The following DNAH17 variants were observed in gnomAD, a reference collection of about 807,000 sequenced individuals.
The protein encoded by DNAH17 is dynein axonemal heavy chain 17, also known as axonemal beta dynein heavy chain 17.
Under a neutral mutation model 485.6 loss-of-function variants are expected in DNAH17, and 376 were observed. The ratio of observed to expected loss-of-function variants is 0.77; its 90% CI spans 0.71 to 0.84. The LOEUF (loss-of-function observed/expected upper bound fraction) is 0.84, where lower values mean the gene tolerates loss of function less well. DNAH17 is among the 40% of genes least tolerant of loss of function. The pLI is 0.00. For synonymous variants in DNAH17, 3,031 were observed against 2,405.9 expected (o/e 1.26, Z -7.60); for missense variants, 6,370 against 5,839.3 (o/e 1.09, Z -2.96).
At position 78,537,490 on chromosome 17, in the gene DNAH17, G is replaced by A. The variant is rs768513717; in HGVS notation, c.2677-9C>T. On this transcript the variant is annotated splice_polypyrimidine_tract_variant and intron_variant, in intron 18 of 80. Transcript: ENST00000389840. ...AGGGGAGCGATACTCTCCTGAAAGAGGGGTGGGGTTGGCAGTGGTCAACAC... is the reference window on the plus strand; with the variant it reads ...AGGGGAGCGATACTCTCCTGAAAGAAGGGTGGGGTTGGCAGTGGTCAACAC... 29 of 1,612,630 alleles carry A rather than the reference G, an allele frequency of 1.8e-5. No homozygotes were observed. The East Asian group carries it at 6.2e-4, about 35-fold the overall frequency.
At chr17:78,514,019 C>A (rs1214045453) in intron 26 of DNAH17, among the ~76,000 whole-genome samples, 1 of 152,012 alleles carries the variant, frequency 6.6e-6, no homozygotes, top group South Asian at 2.1e-4. Flanking sequence ...CCAGTGCCTG[C>A]CAGTACTGTG....
At chr17:78,472,340 A>ATTAGGG (rs1568106482) in intron 54 of DNAH17, among the ~76,000 whole-genome samples, 1 of 107,950 alleles carries the variant, frequency 9.3e-6, no homozygotes. Context: ...GGGTGCGAGG[A>ATTAGGG]TTAGGGTTAG....
In DNAH17 at chr17:78,485,037, G is replaced by T; in HGVS notation, c.7484-4C>A. On this transcript the variant is annotated splice_region_variant and splice_polypyrimidine_tract_variant and intron_variant, in intron 47 of 80. Transcript: ENST00000389840. ...TCCAGCGGCTTCTCCAGCACCCCTA[G>T]AGAGGGCAGAGGGTCAGCTGCCCGC... The T allele has an allele frequency of 6.2e-7, 1 of 1,603,622 alleles. No homozygotes were observed. The highest frequency in any genetic ancestry group is 8.5e-7 in the Non-Finnish European group (1 of 1,174,888).
chr17:78,478,251 C>CATCACCATT, intron 51 of DNAH17, among the ~76,000 whole-genome samples: 1 of 114,142 alleles, frequency 8.8e-6, no homozygotes, highest in Non-Finnish European at 1.8e-5. Context: ...TCATCACCAC[C>CATCACCATT]ATCACCATTA....
chr17:78,426,482 T>C lies in DNAH17; in HGVS notation c.12890A>G (p.Tyr4297Cys). 2 of 1,610,788 alleles carry C rather than the reference T, an allele frequency of 1.2e-6. No individual in the cohort carries two copies. Among genetic ancestry groups the C allele is most frequent in the African/African-American group, 2.7e-5 (2 of 74,850 alleles). ...CCTGATGCGGAGCAGCAGGTCTGCG[T>C]ACCAGGCCGCCAGGCCCATCATGGA... ...YPSMMGLAAWYADLLLRIREL... is the reference protein window; with the variant it reads ...YPSMMGLAAWCADLLLRIREL... Residue 4297 changes from tyrosine to cysteine, a missense_variant, in exon 79 of 81, where the codon TAC (tyrosine) becomes TGC (cysteine). By Grantham distance (194) the Tyr-to-Cys change is radical (BLOSUM62 -2). Coordinates refer to ENST00000389840, the MANE Select transcript of DNAH17 (RefSeq NM_173628.4).
chr17:78,444,542 G>A (rs955661347), intron 71 of DNAH17, 62 bp downstream of exon 71: 30 of 1,459,968 alleles, frequency 2.1e-5, no homozygotes, highest in Non-Finnish European at 2.4e-5. Context: ...ACAGCCGCTC[G>A]GTCAAGCTTC....
intron 4 of DNAH17, 33 bp from the exon 5 acceptor site, chr17:78,571,411 G>C: frequency 6.4e-7 from 1 of 1,565,578 alleles, no homozygotes; most frequent in Non-Finnish European, 8.8e-7. Flanking sequence ...ACCTTTCATT[G>C]ACCTGGAAGA....
intron 24 of DNAH17, 21 bp downstream of exon 24, chr17:78,526,630 C>T: frequency 1.3e-6 from 2 of 1,577,072 alleles, no homozygotes; most frequent in Non-Finnish European, 1.7e-6. Flanking sequence ...ACCCCCTGAT[C>T]TCACCCTTGA....
At position 78,473,460 on chromosome 17, in the gene DNAH17, T is replaced by C. The variant is rs1381055622; in HGVS notation, c.8511+1818A>G. On this transcript the variant is annotated intron_variant, in intron 54 of 80. Coordinates refer to ENST00000389840, the MANE Select transcript of DNAH17 (RefSeq NM_173628.4). ...TCAGGAGGCTGAGGCAGGAGAATGG[T>C]GTGAACCCGGGAAGCGGAGCTTGCA... 2.8e-5 allele frequency among the ~76,000 whole-genome samples: 4 copies of C among 144,870 alleles called. 1 individual carries two copies. The highest frequency in any genetic ancestry group is 2.6e-5 in the African/African-American group (1 of 38,334).
intron 54 of DNAH17, chr17:78,472,753 T>C: frequency 2.2e-6 from 1 of 454,350 alleles, no homozygotes; most frequent in East Asian, 7.1e-5. Flanking sequence ...TGGTTTCCCC[T>C]CCCCCTCCGT....
At chr17:78,544,135 T>C in intron 16 of DNAH17, 138 bp from the exon 17 acceptor site, 2 of 1,261,532 alleles carry the variant, frequency 1.6e-6, no homozygotes, top group South Asian at 2.8e-5. Flanking sequence ...CCACGATCCA[T>C]GCCCATCAGG....
At chr17:78,528,941 G>A (rs988924676) in intron 22 of DNAH17, among the ~76,000 whole-genome samples, 9 of 134,408 alleles carry the variant, frequency 6.7e-5, no homozygotes, top group African/African-American at 2.3e-4. Context: ...GGACATAAAG[G>A]CATTTTGTAT....
At position 78,479,123 on chromosome 17, in the gene DNAH17, G is replaced by T. The variant is rs2089236369; in HGVS notation, c.7901-7C>A. On this transcript the variant is annotated splice_region_variant and splice_polypyrimidine_tract_variant and intron_variant, in intron 50 of 80. Transcript: ENST00000389840. Reference sequence around the variant, plus strand: ...GTGATTTTCTGATGCAAAGCTGTTAGAGGAAAAGGACGTGTCAATTCTCAT... The same window carrying T: ...GTGATTTTCTGATGCAAAGCTGTTATAGGAAAAGGACGTGTCAATTCTCAT... The T allele has an allele frequency of 6.2e-7, 1 of 1,613,504 alleles. No homozygotes were observed. The highest frequency in any genetic ancestry group is 1.3e-5 in the African/African-American group (1 of 74,926).
At chr17:78,497,641 A>T (rs2090122316) in intron 37 of DNAH17, among the ~76,000 whole-genome samples, 1 of 152,206 alleles carries the variant, frequency 6.6e-6, no homozygotes, top group Admixed American at 6.5e-5. Flanking sequence ...TGGGGTCCCC[A>T]TTCTCTTGGT....
chr17:78,575,198 T>C (rs893858873), intron 1 of DNAH17, 116 bp from the exon 2 acceptor site: 2 of 766,656 alleles, frequency 2.6e-6, no homozygotes, highest in Non-Finnish European at 4.1e-6. Context: ...AAACAGTTGG[T>C]CGAGAGTGTG....
chr17:78,454,399 C>A (rs1598475937), intron 64 of DNAH17, 71 bp downstream of exon 64: 1 of 1,260,902 alleles, frequency 7.9e-7, no homozygotes, highest in Non-Finnish European at 1.1e-6. Context: ...TCCATTGAAC[C>A]AATATGGAAT....
intron 9 of DNAH17, among the ~76,000 whole-genome samples, chr17:78,568,923 G>A (rs544541808): frequency 6.6e-6 from 1 of 152,362 alleles, no homozygotes; most frequent in African/African-American, 2.4e-5. Context: ...ACCCGCTCAT[G>A]ATAGGATGCA....
At chr17:78,495,851 C>G in intron 38 of DNAH17, 24 bp downstream of exon 38, 2 of 1,603,912 alleles carry the variant, frequency 1.2e-6, no homozygotes, top group African/African-American at 1.3e-5. Flanking sequence ...ACTGCAGCCA[C>G]TCACTTTCAC....
In DNAH17 at chr17:78,499,135, A is replaced by G. The variant is rs1192781476; in HGVS notation, c.5641-23T>C. 7 of 1,510,900 alleles carry G rather than the reference A, an allele frequency of 4.6e-6. No individual in the cohort carries two copies. In the South Asian group the frequency reaches 6.3e-5, roughly 14 times the overall value. The allele number at this position is 1,510,900 out of a possible 1,614,324, so 93.6% of individuals were successfully genotyped here. On this transcript the variant is annotated intron_variant, in intron 36 of 80. Transcript: ENST00000389840. The stretch of plus-strand genomic sequence containing the variant: ...GGACTGGAAAGGGCGAGATGGAGAA[A>G]GGAAGAGCTGGGAGGGTGACAGGGA...
Sources: allele counts gnomAD v4.1 joint callset (sites outside exome capture counted in the v4.1 genomes callset), GRCh38; gene constraint gnomAD v4.1.1; transcripts MANE v1.5; gene names NCBI Gene and HGNC (gene_info 2026-07-23, HGNC 2026-07-21).